DCBLD2: variants seen among roughly 807,000 people sequenced by gnomAD.
DCBLD2 encodes the protein discoidin, CUB and LCCL domain-containing protein 2.
In DCBLD2, 54 loss-of-function variants were observed where a neutral mutation model predicts 86.8. That is an observed-to-expected ratio of 0.62 (90% CI 0.50 to 0.78). DCBLD2 has a LOEUF of 0.78. Among genes scored for constraint, DCBLD2 ranks in the 30% least tolerant of loss-of-function variants. The pLI, the probability that DCBLD2 is intolerant of heterozygous loss-of-function variation, is 0.00. For synonymous variants in DCBLD2, 354 were observed against 341.3 expected, an observed-to-expected ratio of 1.04 and a Z score of -0.41; for missense variants, 908 against 954.2, an observed-to-expected ratio of 0.95 and a Z score of 0.64.
chr3:98,836,391 C>T (rs2107465260), intron 3 of DCBLD2, among the ~76,000 whole-genome samples: 1 of 150,582 alleles, frequency 6.6e-6, no homozygotes, highest in East Asian at 1.9e-4. Flanking sequence ...ACAGTTAATG[C>T]TACTCAATTG....
intron 3 of DCBLD2, among the ~76,000 whole-genome samples, chr3:98,834,500 A>AC (rs2107462419): frequency 6.6e-6 from 1 of 152,210 alleles, no homozygotes; most frequent in Non-Finnish European, 1.5e-5. Context: ...CTATTCTCTA[A>AC]CTTCATGAGA....
At chr3:98,854,007 A>C (rs1942887828) in intron 2 of DCBLD2, among the ~76,000 whole-genome samples, 1 of 151,852 alleles carries the variant, frequency 6.6e-6, no homozygotes, top group South Asian at 2.1e-4. Flanking sequence ...TTTTTTAACT[A>C]GTATAGAGCA....
intron 1 of DCBLD2, among the ~76,000 whole-genome samples, chr3:98,893,870 TG>T (rs1943706035): frequency 6.6e-6 from 1 of 152,200 alleles, no homozygotes; most frequent in African/African-American, 2.4e-5. Flanking sequence ...GGAGTTCGGC[TG>T]TACAAATCAG....
intron 1 of DCBLD2, among the ~76,000 whole-genome samples, chr3:98,894,148 A>G (rs1278851941): frequency 1.3e-5 from 2 of 152,164 alleles, no homozygotes; most frequent in African/African-American, 2.4e-5. Context: ...TGACAGACAA[A>G]TGAACCAGGT....
intron 1 of DCBLD2, among the ~76,000 whole-genome samples, chr3:98,900,445 C>A (rs56322058): frequency 0.12 from 17,972 of 151,924 alleles, 1,224 homozygotes; most frequent in South Asian, 0.18. Flanking sequence ...TTGCCTGTTT[C>A]TGGAACAGGT....
rs183285416 is a variant in DCBLD2 at position 98,889,402 on chromosome 3, T to C, written c.206-7635A>G. Among the ~76,000 whole-genome samples the C allele has an allele frequency of 2.5e-3, 375 of 152,066 alleles. 1 individual carries two copies. The highest frequency in any genetic ancestry group is 3.6e-3 in the Non-Finnish European group (244 of 67,920). ...TTCCACCTCCCTGGATTCTAACAAG[T>C]ATGTCAGAAAGATGACCTGAAACTT... is the stretch of plus-strand genomic sequence containing the variant. On this transcript the variant is annotated intron_variant, in intron 1 of 15. Transcript: ENST00000326840.
chr3:98,861,273 A>G (rs1374571866), intron 2 of DCBLD2, among the ~76,000 whole-genome samples: 1 of 151,136 alleles, frequency 6.6e-6, no homozygotes, highest in Admixed American at 6.6e-5. Context: ...CACAATAATA[A>G]TGGGAGACTT....
At chr3:98,838,074 C>G (rs1184132662) in intron 3 of DCBLD2, among the ~76,000 whole-genome samples, 13 of 121,728 alleles carry the variant, frequency 1.1e-4, no homozygotes, top group East Asian at 8.3e-4. Context: ...TCCCGGACGG[C>G]ACGGCTGGCC....
At chr3:98,838,677 T>C (rs1350199573) in intron 3 of DCBLD2, among the ~76,000 whole-genome samples, 2 of 151,960 alleles carry the variant, frequency 1.3e-5, no homozygotes, top group African/African-American at 2.4e-5. Flanking sequence ...TCTCGGCACT[T>C]TGGGAGGCCA....
rs1407077726 is a variant in DCBLD2 at position 98,811,071 on chromosome 3, T to C, written c.1576+123A>G. The C allele has an allele frequency of 6.1e-6, 7 of 1,149,420 alleles. No homozygotes were observed. The African/African-American group carries it at 1.1e-4, about 19-fold the overall frequency. The allele number at this position is 1,149,420 out of a possible 1,614,324, so 71.2% of individuals were successfully genotyped here. Reference sequence around the variant, plus strand: ...CTATGAAAGAAAATAAATTTTTTTTTTTGCTATACTTAAAAACTATAGTTG... The same window carrying C: ...CTATGAAAGAAAATAAATTTTTTTTCTTGCTATACTTAAAAACTATAGTTG... On this transcript the variant is annotated intron_variant, in intron 12 of 15. Coordinates refer to ENST00000326840, the MANE Select transcript of DCBLD2 (RefSeq NM_080927.4).
chr3:98,801,058 G>A (rs1941709423), intron 14 of DCBLD2, among the ~76,000 whole-genome samples: 1 of 152,134 alleles, frequency 6.6e-6, no homozygotes, highest in South Asian at 2.1e-4. Context: ...TTCTATCCTA[G>A]CCACAGCAGT....
chr3:98,816,925 G>T (rs140152797), intron 9 of DCBLD2, among the ~76,000 whole-genome samples: 2,275 of 152,156 alleles, frequency 0.015, 45 homozygotes, highest in Non-Finnish European at 0.024. Context: ...GGGACTACAG[G>T]CATGCGCCAC....
In DCBLD2 at chr3:98,844,093, G is replaced by A. The variant is rs566405004; in HGVS notation, c.571+5368C>T. On this transcript the variant is annotated intron_variant, in intron 3 of 15. Transcript: ENST00000326840. ...ATTATGGTACATATGAATAAATGCT[G>A]TCTTGAAGGACTTGAAGCTTTCAAT... Among the ~76,000 whole-genome samples the A allele has an allele frequency of 2.1e-5, 3 of 145,702 alleles. No individual in the cohort carries two copies. In the South Asian group the frequency reaches 6.7e-4, roughly 32 times the overall value.
chr3:98,827,397 A>C (rs1469591436), intron 3 of DCBLD2, among the ~76,000 whole-genome samples: 3 of 152,242 alleles, frequency 2.0e-5, no homozygotes. Context: ...ATGGCACTTA[A>C]ACCACAAGAA....
chr3:98,865,205 T>C (rs998151835), intron 2 of DCBLD2, among the ~76,000 whole-genome samples: 2 of 152,156 alleles, frequency 1.3e-5, no homozygotes, highest in East Asian at 1.9e-4. Context: ...AGATATGGAA[T>C]CAATCTAAAT....
chr3:98,876,811 A>C (rs1464421629), intron 2 of DCBLD2, among the ~76,000 whole-genome samples: 1 of 152,214 alleles, frequency 6.6e-6, no homozygotes, highest in African/African-American at 2.4e-5. Flanking sequence ...CATCCACATG[A>C]TGGAGTTCTA....
At chr3:98,878,904 A>T (rs1390197720) in intron 2 of DCBLD2, among the ~76,000 whole-genome samples, 1 of 152,206 alleles carries the variant, frequency 6.6e-6, no homozygotes, top group Non-Finnish European at 1.5e-5. Flanking sequence ...TAATCTTCAG[A>T]CCGTACAGAA....
intron 9 of DCBLD2, among the ~76,000 whole-genome samples, chr3:98,817,535 C>A (rs1360993182): frequency 6.6e-6 from 1 of 152,092 alleles, no homozygotes; most frequent in Non-Finnish European, 1.5e-5. Flanking sequence ...ATTAAAAATG[C>A]AATGACAAAA....
intron 3 of DCBLD2, among the ~76,000 whole-genome samples, chr3:98,849,164 T>C (rs1942784584): frequency 2.5e-5 from 1 of 39,390 alleles, no homozygotes. Flanking sequence ...AGCAAAACTC[T>C]GTCTCAAAAA....
Sources: allele counts gnomAD v4.1 joint callset (sites outside exome capture counted in the v4.1 genomes callset), GRCh38; gene constraint gnomAD v4.1.1; transcripts MANE v1.5; gene names NCBI Gene and HGNC (gene_info 2026-07-23, HGNC 2026-07-21).